The following CTSD variants were observed in gnomAD, a reference collection of about 807,000 sequenced individuals.
CTSD encodes cathepsin D, also known as ceroid-lipofuscinosis, neuronal 10.
In CTSD, 28 loss-of-function variants were observed where a neutral mutation model predicts 43.6. That is an observed-to-expected ratio of 0.64 (90% CI 0.48 to 0.88). CTSD has a LOEUF of 0.88. Ranked by LOEUF, CTSD falls within the 40% of genes least tolerant of loss-of-function variation. CTSD has a pLI of 0.00. For synonymous variants in CTSD, 270 were observed against 249.8 expected (o/e 1.08, Z -0.76); for missense variants, 485 against 555.2 (o/e 0.87, Z 1.27).
chr11:1,757,209 C>T, intron 5 of CTSD, 115 bp downstream of exon 5: 1 of 913,386 alleles, frequency 1.1e-6, no homozygotes, highest in South Asian at 1.4e-5. Flanking sequence ...AGGTCAGGAG[C>T]TCTGGCACAG....
chr11:1,762,761 G>C (rs544821071), intron 1 of CTSD, among the ~76,000 whole-genome samples: 12 of 152,318 alleles, frequency 7.9e-5, no homozygotes, highest in African/African-American at 2.4e-4. Context: ...CCTGTGGATA[G>C]GCTGGCAAGG....
chr11:1,758,096 G>A (rs1279136833), intron 4 of CTSD: 4 of 212,644 alleles, frequency 1.9e-5, no homozygotes, highest in Non-Finnish European at 3.9e-5. Flanking sequence ...GGGCGGAGGG[G>A]GCAGAAGAGG....
At chr11:1,754,706 G>C (rs575798699) in intron 6 of CTSD, among the ~76,000 whole-genome samples, 200 bp downstream of exon 6, 2 of 150,614 alleles carry the variant, frequency 1.3e-5, no homozygotes, top group East Asian at 4.0e-4. Flanking sequence ...GGGATAGAGG[G>C]AATAGAGGGG....
In CTSD at chr11:1,761,426, C is replaced by G. The variant is rs535140505; in HGVS notation, c.111G>C (p.Ser37=). The change falls in exon 2 of 9, where the codon TCG becomes TCC. Residue 37 remains serine (S), a synonymous_variant. Coordinates refer to ENST00000236671, the MANE Select transcript of CTSD (RefSeq NM_001909.5). The stretch of plus-strand genomic sequence containing the variant: ...GGTCCTCCACAGAGCCCCCAACCTC[C>G]GACATGGTCCGGCGGATGGACGTGA... ...HKFTSIRRTM[S]EVGGSVEDLI... 7.4e-6 allele frequency: 12 copies of G among 1,613,804 alleles called. No individual in the cohort carries two copies. The highest frequency in any genetic ancestry group is 5.0e-5 in the Admixed American group (3 of 60,004).
intron 5 of CTSD, among the ~76,000 whole-genome samples, chr11:1,756,113 T>G (rs1232541589): frequency 6.6e-6 from 1 of 151,562 alleles, no homozygotes. Context: ...TCATACCGTG[T>G]GCCCCTCCCC....
In CTSD at chr11:1,753,557, A is replaced by C. The variant is rs1565018468; in HGVS notation, c.1185T>G (p.Thr395=). The change falls in exon 9 of 9, where the codon ACT becomes ACG. Residue 395 remains threonine, a synonymous_variant. Transcript: ENST00000236671. The stretch of plus-strand genomic sequence containing the variant: ...CCCTGTTGTTGTCACGGTCAAACAC[A>C]GTGTAGTAGCGGCCGATGAAGACGT... ...LGDVFIGRYY[T]VFDRDNNRVG... is the part of the protein sequence containing the mutation. The C allele has an allele frequency of 6.2e-7, 1 of 1,613,050 alleles. No individual in the cohort carries two copies. Among genetic ancestry groups the C allele is most frequent in the Non-Finnish European group, 8.5e-7 (1 of 1,179,912 alleles).
rs1420082715 is a variant in CTSD, at chr11:1,763,839, CAGA to C, written c.18_20del (p.Leu7del). 5.2e-6 allele frequency: 8 copies of C among 1,528,328 alleles called. No individual in the cohort carries two copies. The highest frequency in any genetic ancestry group is 7.0e-6 in the Non-Finnish European group (8 of 1,143,028). 94.7% of individuals were successfully genotyped at this position (1,528,328 alleles called of 1,614,324 possible). Reference sequence around the variant, plus strand: ...CAGCCAGCAGGCAGAGGGCGAGCGGCAGAAGGCTGGAGGGCTGCATGGCGGCGG... The same window carrying C: ...CAGCCAGCAGGCAGAGGGCGAGCGGCAGGCTGGAGGGCTGCATGGCGGCGG... On this transcript the variant is annotated inframe_deletion, in exon 1 of 9. Transcript: ENST00000236671.
rs758768822 is a variant in CTSD at position 1,753,893 on chromosome 11, G to A, written c.981C>T (p.Ile327=). 1.2e-6 allele frequency: 2 copies of A among 1,613,424 alleles called. No individual in the cohort carries two copies. The highest frequency in any genetic ancestry group is 2.2e-5 in the East Asian group (1 of 44,850). Residue 327 remains isoleucine (I), a synonymous_variant, in exon 8 of 9, where the codon ATC becomes ATT. Coordinates refer to ENST00000236671, the MANE Select transcript of CTSD (RefSeq NM_001909.5). Reference sequence around the variant, plus strand: ...GCAGGGTGGACACCTTCTCACAGGGGATCATGTACTAAGAGGGGTCACAGC... The same window carrying A: ...GCAGGGTGGACACCTTCTCACAGGGAATCATGTACTAAGAGGGGTCACAGC... ...AVPLIQGEYM[I]PCEKVSTLPA...
intron 4 of CTSD, chr11:1,757,829 G>A (rs770429576): frequency 9.6e-6 from 5 of 519,360 alleles, no homozygotes; most frequent in East Asian, 3.5e-5. Flanking sequence ...CCCTTGCTCC[G>A]CTCCCTGCTC....
At position 1,753,706 on chromosome 11, in the gene CTSD, C is replaced by T. The variant is rs891876703; in HGVS notation, c.1072-36G>A. On this transcript the variant is annotated intron_variant, in intron 8 of 8. Coordinates refer to ENST00000236671, the MANE Select transcript of CTSD (RefSeq NM_001909.5). ...CCTGGTGGTCAGTACCCAGGCCTAG[C>T]ACCACCCGCCCCCCCACCTGTTGCC... 4 of 1,610,662 alleles carry T rather than the reference C, an allele frequency of 2.5e-6. No individual in the cohort carries two copies. In the Admixed American group the frequency reaches 5.0e-5, roughly 20 times the overall value.
chr11:1,760,309 G>T, intron 2 of CTSD: 1 of 152,662 alleles, frequency 6.6e-6, no homozygotes, highest in Non-Finnish European at 1.5e-5. Flanking sequence ...GATCAGGCAA[G>T]TACAAGGGGT....
chr11:1,759,098 C>A lies in CTSD; in HGVS notation c.353-11G>T, dbSNP rs372689713. 1.3e-6 allele frequency: 2 copies of A among 1,596,210 alleles called. 1 individual carries two copies. The highest frequency in any genetic ancestry group is 2.2e-5 in the South Asian group (2 of 90,708). On this transcript the variant is annotated splice_polypyrimidine_tract_variant and intron_variant, in intron 3 of 8. Coordinates refer to ENST00000236671, the MANE Select transcript of CTSD (RefSeq NM_001909.5). ...ACTTGTGGTGGATCCCTGCCCCGGGCGACAAGGGGGCCCGCCGGTCATCCC... is the reference window on the plus strand; with the variant it reads ...ACTTGTGGTGGATCCCTGCCCCGGGAGACAAGGGGGCCCGCCGGTCATCCC...
Position 1,761,086 on chromosome 11 carries a change from T to A in CTSD, c.228+223A>T, listed in dbSNP as rs541550129. 2.6e-5 allele frequency: 15 copies of A among 587,208 alleles called. No individual in the cohort carries two copies. The South Asian group carries it at 2.8e-4, about 11-fold the overall frequency. 36.4% of individuals were successfully genotyped at this position (587,208 alleles called of 1,614,324 possible). On this transcript the variant is annotated intron_variant, in intron 2 of 8. Coordinates refer to ENST00000236671, the MANE Select transcript of CTSD (RefSeq NM_001909.5). Reference sequence around the variant, plus strand: ...GGCCCGAGGCCACTCCCAATCACCCTCCCAGGCCCTAGCAGGACCAAGACC... The same window carrying A: ...GGCCCGAGGCCACTCCCAATCACCCACCCAGGCCCTAGCAGGACCAAGACC...
Position 1,757,374 on chromosome 11 carries a change from C to A in CTSD, c.654G>T (p.Leu218=), listed in dbSNP as rs201551100. The change falls in exon 5 of 9, where the codon CTG becomes CTT. Residue 218 remains leucine, a synonymous_variant. Transcript: ENST00000236671. Reference sequence around the variant, plus strand: ...TCTGGTCCACCAGCTTCTGCTGCATCAGGTTGTCGAAGACGGGCAGCACGT... The same window carrying A: ...TCTGGTCCACCAGCTTCTGCTGCATAAGGTTGTCGAAGACGGGCAGCACGT... ...VNNVLPVFDN[L]MQQKLVDQNI... is the part of the protein sequence containing the mutation. 3 of 1,614,026 alleles carry A rather than the reference C, an allele frequency of 1.9e-6. No individual in the cohort carries two copies. Among genetic ancestry groups the A allele is most frequent in the Non-Finnish European group, 2.5e-6 (3 of 1,180,036 alleles).
chr11:1,763,743 G>A, intron 1 of CTSD, 49 bp downstream of exon 1: 2 of 1,489,612 alleles, frequency 1.3e-6, no homozygotes, highest in South Asian at 1.2e-5. Context: ...CCGGGACCTC[G>A]GCGCCGCGAC....
chr11:1,754,640 GA>G, intron 6 of CTSD, among the ~76,000 whole-genome samples: 1 of 148,176 alleles, frequency 6.7e-6, no homozygotes, highest in East Asian at 2.0e-4. Context: ...GGGATGGACA[GA>G]AGGGATGGTG....
At chr11:1,762,004 C>T (rs1256401857) in intron 1 of CTSD, 6 of 195,470 alleles carry the variant, frequency 3.1e-5, no homozygotes, top group Admixed American at 2.7e-4. Context: ...CTCTGCCTGG[C>T]CTCCTCTGGC....
intron 1 of CTSD, 136 bp from the exon 2 acceptor site, chr11:1,761,604 C>T: frequency 2.1e-6 from 2 of 941,506 alleles, no homozygotes; most frequent in Non-Finnish European, 3.3e-6. Flanking sequence ...CTGCCTGTCA[C>T]CTGGAAACTG....
At chr11:1,753,714 GC>G (rs752520670) in intron 8 of CTSD, 44 bp from the exon 9 acceptor site, 13 of 1,607,878 alleles carry the variant, frequency 8.1e-6, no homozygotes, top group African/African-American at 2.7e-5. Flanking sequence ...AGCACCACCC[GC>G]CCCCCCACCT....
Sources: allele counts gnomAD v4.1 joint callset (sites outside exome capture counted in the v4.1 genomes callset), GRCh38; gene constraint gnomAD v4.1.1; transcripts MANE v1.5; gene names NCBI Gene and HGNC (gene_info 2026-07-23, HGNC 2026-07-21).